The following GRAMD2B variants were observed in gnomAD, a reference collection of about 807,000 sequenced individuals.
The protein encoded by GRAMD2B is GRAM domain containing 2B.
Under a neutral mutation model 59.2 loss-of-function variants are expected in GRAMD2B, and 41 were observed. That is an observed-to-expected ratio of 0.69 (90% CI 0.54 to 0.90). The LOEUF (loss-of-function observed/expected upper bound fraction) is 0.90, where lower values mean the gene tolerates loss of function less well. GRAMD2B is among the 40% of genes least tolerant of loss of function. The pLI, the probability that GRAMD2B is intolerant of heterozygous loss-of-function variation, is 0.00. For missense variants in GRAMD2B, 424 were observed against 500.5 expected (o/e 0.85, Z 1.46); for synonymous variants, 161 against 182.7 (o/e 0.88, Z 0.96).
chr5:126,469,546 G>A lies in GRAMD2B; in HGVS notation c.204-131G>A, dbSNP rs189490029. 2.9e-4 allele frequency: 187 copies of A among 644,638 alleles called. No individual in the cohort carries two copies. The African/African-American group carries it at 3.2e-3, about 11-fold the overall frequency. The allele number at this position is 644,638 out of a possible 1,614,324, so 39.9% of individuals were successfully genotyped here. A position where few individuals can be genotyped will look rare whatever the true frequency, so the allele number is the denominator to read the frequency against. ...GCTACTCAGGAGGCTGAGGTGGGAGGATCGCTTGAGTCCTGGACGGGGAGG... is the reference window on the plus strand; with the variant it reads ...GCTACTCAGGAGGCTGAGGTGGGAGAATCGCTTGAGTCCTGGACGGGGAGG... On this transcript the variant is annotated intron_variant, in intron 2 of 13. Transcript: ENST00000285689.
At chr5:126,437,936 C>T (rs1292839951) in intron 1 of GRAMD2B, among the ~76,000 whole-genome samples, 1 of 152,056 alleles carries the variant, frequency 6.6e-6, no homozygotes, top group African/African-American at 2.4e-5. Context: ...TCACATAATC[C>T]CTCACTGTCA....
At chr5:126,479,473 C>T (rs1369792099) in intron 6 of GRAMD2B, among the ~76,000 whole-genome samples, 1 of 152,166 alleles carries the variant, frequency 6.6e-6, no homozygotes, top group East Asian at 1.9e-4. Context: ...TACTAATAGC[C>T]AACAGGCATC....
chr5:126,382,900 C>T (rs1321106191), intron 1 of GRAMD2B, among the ~76,000 whole-genome samples: 1 of 152,154 alleles, frequency 6.6e-6, no homozygotes, highest in East Asian at 1.9e-4. Context: ...TGATGTAGTA[C>T]TCTCCCCCTT....
intron 11 of GRAMD2B, among the ~76,000 whole-genome samples, chr5:126,486,651 T>C (rs566041796): frequency 1.9e-3 from 286 of 152,300 alleles, no homozygotes; most frequent in Non-Finnish European, 3.4e-3. Context: ...GGGCCATTAT[T>C]TGCAAATTAA....
chr5:126,486,743 T>A (rs1773010815), intron 11 of GRAMD2B, 130 bp from the exon 12 acceptor site: 1 of 612,904 alleles, frequency 1.6e-6, no homozygotes, highest in African/African-American at 1.8e-5. Flanking sequence ...AGGATGTTTT[T>A]AAAATCTTTT....
intron 1 of GRAMD2B, among the ~76,000 whole-genome samples, chr5:126,380,401 T>C (rs1422630496): frequency 2.6e-5 from 4 of 152,104 alleles, no homozygotes; most frequent in Non-Finnish European, 4.4e-5. Flanking sequence ...TGATTCCATA[T>C]GAATTTTAGG....
rs761869855 is a variant in GRAMD2B at position 126,423,714 on chromosome 5, T to C, written c.83+25T>C. ...AGTGAGTATTCTCAGCTGGGACCCA[T>C]CCAAGGAGGTGGGAGGAGCGCAGCC... On this transcript the variant is annotated intron_variant, in intron 1 of 13. Coordinates refer to ENST00000285689, the MANE Select transcript of GRAMD2B (RefSeq NM_023927.4). 5.0e-6 allele frequency: 8 copies of C among 1,585,238 alleles called. No homozygotes were observed. The South Asian group carries it at 6.9e-5, about 14-fold the overall frequency.
chr5:126,491,534 A>G (rs1033476879), intron 13 of GRAMD2B, among the ~76,000 whole-genome samples: 8 of 152,122 alleles, frequency 5.3e-5, no homozygotes, highest in African/African-American at 1.9e-4. Flanking sequence ...GTGGTGTTGT[A>G]TGGCTCAGGA....
intron 1 of GRAMD2B, among the ~76,000 whole-genome samples, chr5:126,458,374 G>T (rs1766713275): frequency 6.6e-6 from 1 of 151,864 alleles, no homozygotes; most frequent in South Asian, 2.1e-4. Flanking sequence ...GGCAGAGGTT[G>T]CAGCGAGCCA....
At chr5:126,401,218 G>A (rs1245406307) in intron 1 of GRAMD2B, among the ~76,000 whole-genome samples, 4 of 151,946 alleles carry the variant, frequency 2.6e-5, no homozygotes, top group Non-Finnish European at 2.9e-5. Context: ...GCTTGATCAA[G>A]TTTGTTGCTT....
At chr5:126,462,888 G>GA (rs57101040) in intron 1 of GRAMD2B, among the ~76,000 whole-genome samples, 2 of 152,174 alleles carry the variant, frequency 1.3e-5, no homozygotes, top group South Asian at 2.1e-4. Context: ...AGAGTATGTA[G>GA]AAAAAAGCTA....
chr5:126,491,897 C>G (rs1310787327), intron 13 of GRAMD2B, among the ~76,000 whole-genome samples: 1 of 152,140 alleles, frequency 6.6e-6, no homozygotes. Flanking sequence ...CCACACCCAG[C>G]TAATTTGTAT....
At chr5:126,437,495 A>T (rs1245122325) in intron 1 of GRAMD2B, among the ~76,000 whole-genome samples, 1 of 152,190 alleles carries the variant, frequency 6.6e-6, no homozygotes, top group Non-Finnish European at 1.5e-5. Context: ...TTGTTGGCCT[A>T]TAGGTAAGAG....
rs1375135204 is a variant in GRAMD2B, at chr5:126,465,432, G to A, written c.90G>A (p.Glu30=). ...RESKLGSAHS[E]AENGVEEKKK... ...GGTTTCCTTTCTTCTTCAGCTCAGA[G>A]GCTGAGAATGGTGTGGAGGAGAAAA... The change falls in exon 2 of 14, where the codon GAG becomes GAA. Residue 30 remains glutamate (E), a synonymous_variant. Transcript: ENST00000285689. The A allele has an allele frequency of 6.2e-7, 1 of 1,614,164 alleles. No individual in the cohort carries two copies. The highest frequency in any genetic ancestry group is 1.7e-5 in the Admixed American group (1 of 60,020).
At chr5:126,466,212 T>G in intron 2 of GRAMD2B, 1 of 1,536,622 alleles carries the variant, frequency 6.5e-7, no homozygotes, top group African/African-American at 1.4e-5. Flanking sequence ...ATTAGAACTT[T>G]GAGAACTGCT....
At chr5:126,383,711 C>A (rs981532090) in intron 1 of GRAMD2B, among the ~76,000 whole-genome samples, 4 of 152,154 alleles carry the variant, frequency 2.6e-5, no homozygotes, top group African/African-American at 7.2e-5. Context: ...ATGGCATTAT[C>A]CAAGTTCATG....
At chr5:126,381,433 T>G (rs951341528) in intron 1 of GRAMD2B, among the ~76,000 whole-genome samples, 2 of 152,202 alleles carry the variant, frequency 1.3e-5, no homozygotes, top group African/African-American at 4.8e-5. Flanking sequence ...CTTTTATCAT[T>G]GTATAATGTC....
At chr5:126,454,351 T>C (rs911137789) in intron 1 of GRAMD2B, among the ~76,000 whole-genome samples, 2 of 152,158 alleles carry the variant, frequency 1.3e-5, no homozygotes, top group Admixed American at 6.5e-5. Context: ...CTAGAGATCA[T>C]TGCTGTGCGT....
intron 1 of GRAMD2B, among the ~76,000 whole-genome samples, chr5:126,381,993 T>C (rs538627113): frequency 6.6e-6 from 1 of 152,166 alleles, no homozygotes; most frequent in Non-Finnish European, 1.5e-5. Context: ...CTGATAATTG[T>C]CTTGTTTAAG....
Sources: allele counts gnomAD v4.1 joint callset (sites outside exome capture counted in the v4.1 genomes callset), GRCh38; gene constraint gnomAD v4.1.1; transcripts MANE v1.5; gene names NCBI Gene and HGNC (gene_info 2026-07-23, HGNC 2026-07-21).